Variants in CNN1 observed in about 807,000 individuals in gnomAD.
The protein encoded by CNN1 is calponin-1.
Under a neutral mutation model 35.3 loss-of-function variants are expected in CNN1, and 21 were observed. That is an observed-to-expected ratio of 0.60 (90% CI 0.42 to 0.86). CNN1 has a LOEUF of 0.86. Among genes scored for constraint, CNN1 ranks in the 40% least tolerant of loss-of-function variants. The probability of loss-of-function intolerance (pLI) is 0.00; values close to 1 mark genes in which losing one functional copy is unlikely to be tolerated. For synonymous variants in CNN1, 164 were observed against 161.8 expected (o/e 1.01, Z -0.10); for missense variants, 314 against 400.8 (o/e 0.78, Z 1.85).
rs563841340 is a variant in CNN1, at chr19:11,547,839, G to A, written c.433G>A (p.Ala145Thr). The change falls in exon 5 of 7, where the codon GCA becomes ACA. Residue 145 changes from alanine (A) to threonine (T), a missense_variant. Transcript: ENST00000252456. ...CAAGGTGAACGTGGGAGTGAAGTACGCAGAGAAGCAGGAGCGGAAATTCGA... is the reference window on the plus strand; with the variant it reads ...CAAGGTGAACGTGGGAGTGAAGTACACAGAGAAGCAGGAGCGGAAATTCGA... Reference protein sequence around the residue: ...GNKVNVGVKYAEKQERKFEPG... With the variant: ...GNKVNVGVKYTEKQERKFEPG... 3.3e-5 allele frequency: 54 copies of A among 1,614,024 alleles called. 1 individual carries two copies. The highest frequency in any genetic ancestry group is 3.0e-4 in the South Asian group (27 of 91,078).
chr19:11,546,635 TG>T (rs1568416098), intron 2 of CNN1, 39 bp from the exon 3 acceptor site: 3 of 1,611,004 alleles, frequency 1.9e-6, no homozygotes, highest in Non-Finnish European at 2.5e-6. Flanking sequence ...TGCCCAACCC[TG>T]GGGGGACACC....
Position 11,549,697 on chromosome 19 carries a change from C to T in CNN1, c.796C>T (p.Gln266Ter). ...CATGACGGTGTATGGGCTGCCACGC[C>T]AGGTCTACGACCCCAAGTACTGTCT... Reference protein sequence around the residue: ...RGMTVYGLPRQVYDPKYCLTP... With the variant: ...RGMTVYGLPR Residue 266 changes from glutamine (Q) to a stop codon, truncating the protein, a stop_gained, in exon 7 of 7, where the codon CAG becomes TAG. Transcript: ENST00000252456. LOFTEE classifies it high-confidence loss of function. This position sits in a 1 kb window ranked among gnomAD's most constrained non-coding sequence, Gnocchi z 5.2. The T allele has an allele frequency of 6.2e-7, 1 of 1,614,250 alleles. No homozygotes were observed. The highest frequency in any genetic ancestry group is 8.5e-7 in the Non-Finnish European group (1 of 1,180,032).
At position 11,549,366 on chromosome 19, in the gene CNN1, A is replaced by G. The variant is rs745732814; in HGVS notation, c.545A>G (p.Tyr182Cys). The G allele has an allele frequency of 2.5e-6, 4 of 1,613,704 alleles. No homozygotes were observed. In the African/African-American group the frequency reaches 4.0e-5, roughly 16 times the overall value. ...GCCAGCCAGCAGGGCATGACGGCCTATGGCACCCGGCGCCACCTCTACGAC... is the reference window on the plus strand; with the variant it reads ...GCCAGCCAGCAGGGCATGACGGCCTGTGGCACCCGGCGCCACCTCTACGAC... ...KFASQQGMTA[Y>C]GTRRHLYDPK... The change falls in exon 6 of 7, where the codon TAT (tyrosine) becomes TGT (cysteine). Residue 182 changes from tyrosine (Y) to cysteine (C), a missense_variant. Transcript: ENST00000252456. The surrounding 1 kb of genome is among the most constrained non-coding windows in gnomAD (Gnocchi z 5.2).
chr19:11,549,963 A>G lies in CNN1; in HGVS notation c.*168A>G, dbSNP rs1599613380. The G allele has an allele frequency of 6.7e-6, 7 of 1,040,036 alleles. No individual in the cohort carries two copies. The South Asian group carries it at 1.2e-4, about 17-fold the overall frequency. The allele number at this position is 1,040,036 out of a possible 1,614,324, so 64.4% of individuals were successfully genotyped here. A position where few individuals can be genotyped will look rare whatever the true frequency, so the allele number is the denominator to read the frequency against. The stretch of plus-strand genomic sequence containing the variant: ...GAGAGAGCAGACTGGCGGGGGGCCC[A>G]TTGGGGGGAAGGGGACCCTCCGCTC... On this transcript the variant is annotated 3_prime_UTR_variant, in exon 7 of 7. Coordinates refer to ENST00000252456, the MANE Select transcript of CNN1 (RefSeq NM_001299.6). The surrounding 1 kb of genome is among the most constrained non-coding windows in gnomAD (Gnocchi z 5.2).
At chr19:11,542,736 C>T (rs1972494061) in intron 2 of CNN1, among the ~76,000 whole-genome samples, 1 of 151,940 alleles carries the variant, frequency 6.6e-6, no homozygotes, top group Non-Finnish European at 1.5e-5. Context: ...CCACCACGCC[C>T]AGCTAATTTT....
In CNN1 at chr19:11,549,187, CA is replaced by C. The variant is rs1242344170; in HGVS notation, c.502-127del. 1.4e-4 allele frequency: 108 copies of C among 797,924 alleles called. No individual in the cohort carries two copies. Among genetic ancestry groups the C allele is most frequent in the Middle Eastern group, 4.5e-4 (1 of 2,218 alleles). The allele number at this position is 797,924 out of a possible 1,614,324, so 49.4% of individuals were successfully genotyped here. On this transcript the variant is annotated intron_variant, in intron 5 of 6. Coordinates refer to ENST00000252456, the MANE Select transcript of CNN1 (RefSeq NM_001299.6). The surrounding 1 kb of genome is among the most constrained non-coding windows in gnomAD (Gnocchi z 5.2). ...TGGGCAACAGAGCAAGACTCCGTCT[CA>C]AAAAAAAATAAATAAAATAAAATAA...
At position 11,546,936 on chromosome 19, in the gene CNN1, G is replaced by A. The variant is rs1442443003; in HGVS notation, c.357G>A (p.Gln119=). Residue 119 remains glutamine, a synonymous_variant, in exon 4 of 7, where the codon CAG becomes CAA. Coordinates refer to ENST00000252456, the MANE Select transcript of CNN1 (RefSeq NM_001299.6). ...TGTTTGAGAACACCAACCATACACA[G>A]GTGCAGTCCACCCTCCTGGCTTTGG... ...NDLFENTNHT[Q]VQSTLLALAS... The A allele has an allele frequency of 6.2e-7, 1 of 1,614,106 alleles. No homozygotes were observed. Among genetic ancestry groups the A allele is most frequent in the African/African-American group, 1.3e-5 (1 of 74,942 alleles).
chr19:11,547,067 G>GCGGGGGGCTGGGAT, intron 4 of CNN1, 98 bp downstream of exon 4: 1 of 1,549,292 alleles, frequency 6.5e-7, no homozygotes, highest in Non-Finnish European at 8.8e-7. Context: ...AGGTGGCGGA[G>GCGGGGGGCTGGGAT]CGGGGGGCAG....
At chr19:11,541,358 A>T (rs1972458603) in intron 2 of CNN1, among the ~76,000 whole-genome samples, 161 bp downstream of exon 2, 1 of 152,146 alleles carries the variant, frequency 6.6e-6, no homozygotes, top group Admixed American at 6.5e-5. Context: ...AGGCACAGAA[A>T]ACTGAGGCTC....
At chr19:11,545,491 T>G (rs1026928343) in intron 2 of CNN1, among the ~76,000 whole-genome samples, 2 of 11,252 alleles carry the variant, frequency 1.8e-4, no homozygotes, top group Non-Finnish European at 3.5e-4. Flanking sequence ...GCAGGGAAGG[T>G]GGAGGGAGGG....
rs548627437 is a variant in CNN1, at chr19:11,546,993, A to G, written c.390+24A>G. On this transcript the variant is annotated intron_variant, in intron 4 of 6. Transcript: ENST00000252456. ...TGGTGAGTGTGGTTGCAGGCTGGGCAGGGGGTGGTGGGCAGCCTGGGCTGG... is the reference window on the plus strand; with the variant it reads ...TGGTGAGTGTGGTTGCAGGCTGGGCGGGGGGTGGTGGGCAGCCTGGGCTGG... 20 of 1,613,270 alleles carry G rather than the reference A, an allele frequency of 1.2e-5. No homozygotes were observed. The South Asian group carries it at 2.2e-4, about 18-fold the overall frequency.
rs8110843 is a variant in CNN1, at chr19:11,543,556, G to A, written c.185+2359G>A. Among the ~76,000 whole-genome samples, 916 of 151,620 alleles carry A rather than the reference G, an allele frequency of 6.0e-3. 7 individuals are homozygous for A. The highest frequency in any genetic ancestry group is 0.02 in the African/African-American group (833 of 41,356). ...AGCACTTTGGGAGGCTGAGGCAGGCGGATCACGAGGTCAGGAGATCAAGAC... is the reference window on the plus strand; with the variant it reads ...AGCACTTTGGGAGGCTGAGGCAGGCAGATCACGAGGTCAGGAGATCAAGAC... On this transcript the variant is annotated intron_variant, in intron 2 of 6. Coordinates refer to ENST00000252456, the MANE Select transcript of CNN1 (RefSeq NM_001299.6).
At chr19:11,546,340 TTTC>T (rs1439158878) in intron 2 of CNN1, among the ~76,000 whole-genome samples, 3 of 149,214 alleles carry the variant, frequency 2.0e-5, no homozygotes, top group African/African-American at 7.6e-5. Context: ...GACACCTTTC[TTTC>T]TTTTTTTTTT....
chr19:11,541,048 TG>T, intron 1 of CNN1, 27 bp from the exon 2 acceptor site: 1 of 1,579,170 alleles, frequency 6.3e-7, no homozygotes, highest in Non-Finnish European at 8.6e-7. Flanking sequence ...CCCCTTTCTC[TG>T]TGCCCCCTGC....
rs1454627155 is a variant in CNN1 at position 11,549,575 on chromosome 19, A to C, written c.674A>C (p.Lys225Thr). The C allele has an allele frequency of 6.2e-7, 1 of 1,600,646 alleles. No individual in the cohort carries two copies. Residue 225 changes from lysine (K) to threonine (T), a missense_variant, in exon 7 of 7, where the codon AAG becomes ACG. Physicochemically the swap from Lys to Thr is moderately conservative, Grantham distance 78 (BLOSUM62 -1). Transcript: ENST00000252456. The surrounding 1 kb of genome is among the most constrained non-coding windows in gnomAD (Gnocchi z 5.2). Reference sequence around the variant, plus strand: ...GCTGGCATGACTGCGCCAGGGACCAAGCGGCAGATCTTCGAGCCGGGGCTG... The same window carrying C: ...GCTGGCATGACTGCGCCAGGGACCACGCGGCAGATCTTCGAGCCGGGGCTG... The part of the protein sequence containing the change: ...SQAGMTAPGT[K>T]RQIFEPGLGM...
Position 11,549,414 on chromosome 19 carries a change from C to T in CNN1, c.593C>T (p.Pro198Leu), listed in dbSNP as rs1371379696. 6.2e-7 allele frequency: 1 copy of T among 1,613,598 alleles called. No individual in the cohort carries two copies. Among genetic ancestry groups the T allele is most frequent in the Non-Finnish European group, 8.5e-7 (1 of 1,179,904 alleles). ...GACCCCAAGCTGGGCACAGACCAGC[C>T]TCTGGACCAGGCGACCATCAGCCTG... is the stretch of plus-strand genomic sequence containing the variant. ...LYDPKLGTDQ[P>L]LDQATISLQM... The change falls in exon 6 of 7, where the codon CCT becomes CTT. Residue 198 changes from proline to leucine, a missense_variant. Pro to Leu is a moderately conservative substitution (Grantham distance 98). Coordinates refer to ENST00000252456, the MANE Select transcript of CNN1 (RefSeq NM_001299.6). The surrounding 1 kb of genome is among the most constrained non-coding windows in gnomAD (Gnocchi z 5.2).
At chr19:11,539,912 A>C (rs1220043725) in intron 1 of CNN1, 10 of 1,120,460 alleles carry the variant, frequency 8.9e-6, no homozygotes, top group South Asian at 1.8e-5. Context: ...CCGCGCAGAG[A>C]CGCCGCGCCT....
chr19:11,539,927 A>T (rs1206802853), intron 1 of CNN1: 1 of 1,113,270 alleles, frequency 9.0e-7, no homozygotes, highest in Non-Finnish European at 1.1e-6. Context: ...GCGCCTTATA[A>T]GGCGGCCTCG....
chr19:11,549,995 G>T lies in CNN1; in HGVS notation c.*200G>T. ...GGAAGGGGACCCTCCGCTCTGTAGT[G>T]CTACAGGGTCCAACATAGAGCCGGG... On this transcript the variant is annotated 3_prime_UTR_variant, in exon 7 of 7. Transcript: ENST00000252456. The surrounding 1 kb of genome is among the most constrained non-coding windows in gnomAD (Gnocchi z 5.2). 1.4e-6 allele frequency: 1 copy of T among 733,048 alleles called. No homozygotes were observed. The highest frequency in any genetic ancestry group is 2.1e-6 in the Non-Finnish European group (1 of 466,016). The allele number at this position is 733,048 out of a possible 1,614,324, so 45.4% of individuals were successfully genotyped here.
Sources: allele counts gnomAD v4.1 joint callset (sites outside exome capture counted in the v4.1 genomes callset), GRCh38; gene constraint gnomAD v4.1.1; non-coding constraint Gnocchi (gnomAD v3.1); transcripts MANE v1.5; gene names NCBI Gene and HGNC (gene_info 2026-07-23, HGNC 2026-07-21).